The following ARHGAP27 variants were observed in gnomAD, a reference collection of about 807,000 sequenced individuals.
ARHGAP27 encodes the protein Rho GTPase activating protein 27, also known as rho GTPase-activating protein 27.
Under a neutral mutation model 102.0 loss-of-function variants are expected in ARHGAP27, and 53 were observed. The ratio of observed to expected loss-of-function variants is 0.52; its 90% CI spans 0.42 to 0.65. ARHGAP27 has a LOEUF of 0.65. Among genes scored for constraint, ARHGAP27 ranks in the 30% least tolerant of loss-of-function variants. The pLI is 0.00. For synonymous variants in ARHGAP27, 525 were observed against 542.8 expected (o/e 0.97, Z 0.46); for missense variants, 1,117 against 1,256.2 (o/e 0.89, Z 1.68).
At chr17:45,404,562 T>A in intron 7 of ARHGAP27, 34 bp from the exon 8 acceptor site, 1 of 1,613,628 alleles carries the variant, frequency 6.2e-7, no homozygotes, top group Non-Finnish European at 8.5e-7. Flanking sequence ...TATGATCTCT[T>A]CCTCTCTCCC....
chr17:45,412,187 A>G (rs1012726812), intron 4 of ARHGAP27, among the ~76,000 whole-genome samples: 2 of 151,970 alleles, frequency 1.3e-5, no homozygotes, highest in African/African-American at 4.8e-5. Flanking sequence ...GAGTGAACAA[A>G]CTCACACAGT....
intron 10 of ARHGAP27, 82 bp from the exon 11 acceptor site, chr17:45,403,791 CAG>C: frequency 1.6e-6 from 2 of 1,276,190 alleles, no homozygotes; most frequent in Non-Finnish European, 2.2e-6. Flanking sequence ...AGGAACAAGT[CAG>C]AGCTTAGGAA....
rs755750450 is a variant in ARHGAP27, at chr17:45,429,504, G to C, written c.657+119C>G. On this transcript the variant is annotated intron_variant, in intron 4 of 19. Transcript: ENST00000685559. ...AGAGGGAGCTCATCCGAAGTCTTCG[G>C]ACAGAGGTGGGCGTCGTGCCCGACG... The C allele has an allele frequency of 9.9e-6, 15 of 1,518,460 alleles. No homozygotes were observed. The South Asian group carries it at 1.8e-4, about 18-fold the overall frequency. 94.1% of individuals were successfully genotyped at this position (1,518,460 alleles called of 1,614,324 possible).
intron 4 of ARHGAP27, chr17:45,408,257 T>C (rs1335014488): frequency 2.6e-5 from 4 of 152,214 alleles, no homozygotes; most frequent in Non-Finnish European, 5.9e-5. Flanking sequence ...AGGCACTGTT[T>C]GAGGCACGGG....
chr17:45,429,484 G>C lies in ARHGAP27; in HGVS notation c.657+139C>G, dbSNP rs757187167. On this transcript the variant is annotated intron_variant, in intron 4 of 19. Transcript: ENST00000685559. Reference sequence around the variant, plus strand: ...CTCACGTTTCGCGGTTGGGGAGAGGGAGCTCATCCGAAGTCTTCGGACAGA... The same window carrying C: ...CTCACGTTTCGCGGTTGGGGAGAGGCAGCTCATCCGAAGTCTTCGGACAGA... 1.8e-5 allele frequency: 27 copies of C among 1,496,150 alleles called. No homozygotes were observed. The South Asian group carries it at 3.6e-4, about 20-fold the overall frequency. The allele number at this position is 1,496,150 out of a possible 1,614,324, so 92.7% of individuals were successfully genotyped here. A position where few individuals can be genotyped will look rare whatever the true frequency, so the allele number is the denominator to read the frequency against.
Position 45,410,551 on chromosome 17 carries a change from C to T in ARHGAP27, c.658-4468G>A. The T allele has an allele frequency of 7.0e-6, 5 of 712,298 alleles. No individual in the cohort carries two copies. The East Asian group carries it at 1.9e-4, about 28-fold the overall frequency. The allele number at this position is 712,298 out of a possible 1,614,324, so 44.1% of individuals were successfully genotyped here. On this transcript the variant is annotated intron_variant, in intron 4 of 19. Coordinates refer to ENST00000685559, the MANE Select transcript of ARHGAP27 (RefSeq NM_001282290.2). ...GCTGCCCCACTCAGTGCTCTAATGA[C>T]CAGTGAGCCGCATCCGAGGCCCAGA...
At chr17:45,414,974 C>G (rs2048314812) in intron 4 of ARHGAP27, among the ~76,000 whole-genome samples, 1 of 144,074 alleles carries the variant, frequency 6.9e-6, no homozygotes, top group Non-Finnish European at 1.5e-5. Flanking sequence ...GAGGCTGAAG[C>G]AGGAGAACCA....
At chr17:45,402,985 T>A (rs986783467) in intron 11 of ARHGAP27, among the ~76,000 whole-genome samples, 167 bp from the exon 12 acceptor site, 2 of 152,202 alleles carry the variant, frequency 1.3e-5, no homozygotes, top group Non-Finnish European at 2.9e-5. Context: ...TTCTTAACCA[T>A]GGAGCCTGCT....
At chr17:45,413,706 C>T (rs886502084) in intron 4 of ARHGAP27, among the ~76,000 whole-genome samples, 4 of 143,632 alleles carry the variant, frequency 2.8e-5, no homozygotes, top group African/African-American at 7.5e-5. Context: ...TCCTCCAGGG[C>T]GGGGTGGGAG....
At position 45,414,581 on chromosome 17, in the gene ARHGAP27, C is replaced by A. The variant is rs1597829466; in HGVS notation, c.658-8498G>T. On this transcript the variant is annotated intron_variant, in intron 4 of 19. Coordinates refer to ENST00000685559, the MANE Select transcript of ARHGAP27 (RefSeq NM_001282290.2). Reference sequence around the variant, plus strand: ...GCCTCCCAGGTAGCTGGCTAGCTGGCAGTACAGGCCCACACCACCACGCCC... The same window carrying A: ...GCCTCCCAGGTAGCTGGCTAGCTGGAAGTACAGGCCCACACCACCACGCCC... 2.7e-5 allele frequency among the ~76,000 whole-genome samples: 4 copies of A among 150,484 alleles called. 2 individuals carry two copies. The highest frequency in any genetic ancestry group is 9.7e-5 in the African/African-American group (4 of 41,042).
intron 4 of ARHGAP27, among the ~76,000 whole-genome samples, chr17:45,421,656 C>G (rs1018113497): frequency 1.3e-5 from 2 of 151,856 alleles, no homozygotes; most frequent in African/African-American, 4.8e-5. Flanking sequence ...TTAGGAACCC[C>G]AGAGAAGGGA....
intron 5 of ARHGAP27, 35 bp from the exon 6 acceptor site, chr17:45,405,141 A>G: frequency 1.1e-5 from 17 of 1,541,822 alleles, no homozygotes; most frequent in Non-Finnish European, 1.5e-5. Flanking sequence ...AGAGGCTCTG[A>G]GTGCCAGTAC....
intron 4 of ARHGAP27, among the ~76,000 whole-genome samples, chr17:45,415,095 T>C (rs1395453017): frequency 3.3e-5 from 5 of 150,100 alleles, no homozygotes; most frequent in Middle Eastern, 3.5e-3. Flanking sequence ...TTTTGTTCCC[T>C]GGACCCAGCT....
At chr17:45,399,991 A>G (rs2144305031) in intron 12 of ARHGAP27, among the ~76,000 whole-genome samples, 1 of 152,258 alleles carries the variant, frequency 6.6e-6, no homozygotes, top group Admixed American at 6.5e-5. Flanking sequence ...GTGAGACCCT[A>G]TATCTAGAAA....
intron 4 of ARHGAP27, among the ~76,000 whole-genome samples, chr17:45,426,424 G>A (rs2145036618): frequency 6.6e-6 from 1 of 152,156 alleles, no homozygotes; most frequent in Non-Finnish European, 1.5e-5. Flanking sequence ...TGCTCAATAT[G>A]CGCGATTAGA....
intron 4 of ARHGAP27, among the ~76,000 whole-genome samples, chr17:45,418,951 C>G (rs1408324294): frequency 6.6e-6 from 1 of 152,214 alleles, no homozygotes; most frequent in Non-Finnish European, 1.5e-5. Context: ...CACAGGCCCA[C>G]TGGCAGAGAC....
intron 13 of ARHGAP27, chr17:45,397,701 G>A (rs1160810530): frequency 5.0e-6 from 2 of 397,164 alleles, no homozygotes; most frequent in Admixed American, 4.3e-5. Flanking sequence ...CCGTGAAATG[G>A]GAACTTCCTT....
At chr17:45,398,272 C>G (rs1352141774) in intron 12 of ARHGAP27, among the ~76,000 whole-genome samples, 1 of 152,222 alleles carries the variant, frequency 6.6e-6, no homozygotes, top group Non-Finnish European at 1.5e-5. Flanking sequence ...AACTGAGGCT[C>G]AGCAAGTTTT....
At position 45,430,255 on chromosome 17, in the gene ARHGAP27, C is replaced by T. The variant is rs546150279; in HGVS notation, c.25G>A (p.Val9Met). The T allele has an allele frequency of 8.9e-6, 14 of 1,578,094 alleles. No individual in the cohort carries two copies. The African/African-American group carries it at 9.4e-5, about 11-fold the overall frequency. ...AAGGGGTGCTCCACCAGCACGTACA[C>T]GTCCCCCACCACGTCCGCCGCCATC... MAADVVGD[V>M]YVLVEHPFEY... The change falls in exon 4 of 20, where the codon GTG (valine) becomes ATG (methionine). Residue 9 changes from valine (V) to methionine (M), a missense_variant. By Grantham distance (21) the Val-to-Met change is conservative. Transcript: ENST00000685559. The surrounding 1 kb of genome is among the most constrained non-coding windows in gnomAD (Gnocchi z 4.4).
Sources: allele counts gnomAD v4.1 joint callset (sites outside exome capture counted in the v4.1 genomes callset), GRCh38; gene constraint gnomAD v4.1.1; non-coding constraint Gnocchi (gnomAD v3.1); transcripts MANE v1.5; gene names NCBI Gene and HGNC (gene_info 2026-07-23, HGNC 2026-07-21).